The following MYO16 variants were observed in gnomAD, a reference collection of about 807,000 sequenced individuals.
The protein encoded by MYO16 is myosin XVI.
Under a neutral mutation model 205.3 loss-of-function variants are expected in MYO16, and 94 were observed. The observed-to-expected ratio is 0.46, with a 90% CI of 0.39 to 0.54. The LOEUF is 0.54. MYO16 is among the 20% of genes least tolerant of loss of function. The pLI is 0.00. For missense variants in MYO16, 2,315 were observed against 2,387.5 expected (o/e 0.97, Z 0.63); for synonymous variants, 988 against 954.0 (o/e 1.04, Z -0.66).
chr13:109,118,846 A>T (rs1021931982), intron 28 of MYO16, among the ~76,000 whole-genome samples: 4 of 152,224 alleles, frequency 2.6e-5, no homozygotes, highest in African/African-American at 9.6e-5. Flanking sequence ...CAATGAAAAA[A>T]AAAAGTAACA....
intron 17 of MYO16, among the ~76,000 whole-genome samples, chr13:108,960,691 C>T (rs759820522): frequency 2.6e-5 from 4 of 152,238 alleles, no homozygotes; most frequent in Non-Finnish European, 4.4e-5. Flanking sequence ...GGCTATGCCA[C>T]TTGCCCTTCA....
chr13:108,949,243 T>C (rs1187312408), intron 16 of MYO16, among the ~76,000 whole-genome samples: 1 of 152,094 alleles, frequency 6.6e-6, no homozygotes, highest in Non-Finnish European at 1.5e-5. Flanking sequence ...AAACTTAGTC[T>C]AAAGAAGGCA....
intron 1 of MYO16, among the ~76,000 whole-genome samples, chr13:108,612,123 T>G (rs894632555): frequency 6.6e-6 from 1 of 152,114 alleles, no homozygotes; most frequent in Admixed American, 6.5e-5. Context: ...CTTGTTGGCT[T>G]TACTTTATGG....
chr13:108,519,923 A>T, the MYO16 span, among the ~76,000 whole-genome samples: 151,072 of 152,296 alleles, frequency 0.99, 74,947 homozygotes, highest in East Asian at 1. Flanking sequence ...CGTGTTTTAA[A>T]TAAAAAATTG....
intron 27 of MYO16, among the ~76,000 whole-genome samples, chr13:109,087,118 C>T (rs758491387): frequency 1.6e-4 from 24 of 152,182 alleles, no homozygotes; most frequent in Non-Finnish European, 3.1e-4. Context: ...CCACACTTTC[C>T]GAAGGAGGTG....
intron 20 of MYO16, among the ~76,000 whole-genome samples, chr13:108,965,826 G>T: frequency 6.6e-6 from 1 of 152,190 alleles, no homozygotes; most frequent in Admixed American, 6.5e-5. Context: ...GTGACCTTGA[G>T]CAGACAATTG....
At chr13:108,561,232 C>A in the MYO16 span, among the ~76,000 whole-genome samples, 1 of 152,238 alleles carries the variant, frequency 6.6e-6, no homozygotes, top group African/African-American at 2.4e-5. Flanking sequence ...GATGACTAAT[C>A]TCAGGAGACC....
At chr13:109,104,714 G>A (rs1315085713) in intron 28 of MYO16, among the ~76,000 whole-genome samples, 4 of 152,172 alleles carry the variant, frequency 2.6e-5, no homozygotes, top group Non-Finnish European at 5.9e-5. Flanking sequence ...TGTCAAAGGA[G>A]CATCGCTGCA....
chr13:108,931,206 T>G (rs1386603838), intron 16 of MYO16, among the ~76,000 whole-genome samples: 2 of 152,226 alleles, frequency 1.3e-5, no homozygotes, highest in Non-Finnish European at 2.9e-5. Context: ...CTAAAACCAC[T>G]GCTCTCAGGC....
intron 16 of MYO16, among the ~76,000 whole-genome samples, chr13:108,957,154 G>A (rs1294920821): frequency 6.6e-6 from 1 of 152,084 alleles, no homozygotes; most frequent in African/African-American, 2.4e-5. Context: ...GGGAGGCCGA[G>A]GTGGGTGGAT....
chr13:108,907,333 C>T (rs905054872), intron 15 of MYO16, among the ~76,000 whole-genome samples: 1 of 152,104 alleles, frequency 6.6e-6, no homozygotes. Context: ...TATATGGACA[C>T]TTGTAGAGAA....
chr13:108,820,891 TTAA>T (rs1875931956), intron 8 of MYO16, among the ~76,000 whole-genome samples: 1 of 81,908 alleles, frequency 1.2e-5, no homozygotes. Context: ...AAATCTTGAC[TTAA>T]TGTTACTTAT....
At chr13:108,585,156 G>A in the MYO16 span, among the ~76,000 whole-genome samples, 3 of 152,118 alleles carry the variant, frequency 2.0e-5, no homozygotes, top group East Asian at 1.9e-4. Flanking sequence ...AGCCAAATAC[G>A]AGTGACCATG....
intron 4 of MYO16, among the ~76,000 whole-genome samples, chr13:108,734,378 C>T (rs1884623438): frequency 1.3e-5 from 2 of 152,108 alleles, no homozygotes; most frequent in Admixed American, 1.3e-4. Flanking sequence ...GATATCGCTT[C>T]CTCACAATTT....
At chr13:108,622,325 C>T (rs1209519364) in intron 1 of MYO16, among the ~76,000 whole-genome samples, 1 of 152,208 alleles carries the variant, frequency 6.6e-6, no homozygotes, top group East Asian at 1.9e-4. Context: ...GAACCCTGGG[C>T]GCTTGGCATT....
At chr13:109,121,411 C>T (rs1401019407) in intron 29 of MYO16, among the ~76,000 whole-genome samples, 1 of 152,212 alleles carries the variant, frequency 6.6e-6, no homozygotes, top group Admixed American at 6.5e-5. Flanking sequence ...TCTCCTCCAG[C>T]TGGGGCAGAC....
intron 1 of MYO16, among the ~76,000 whole-genome samples, chr13:108,649,502 T>C (rs2139397700): frequency 6.6e-6 from 1 of 152,284 alleles, no homozygotes; most frequent in Non-Finnish European, 1.5e-5. Context: ...TTAATGAAAA[T>C]GGCAGAATCT....
intron 10 of MYO16, among the ~76,000 whole-genome samples, chr13:108,849,669 C>T (rs1228444880): frequency 4.0e-4 from 48 of 119,084 alleles, no homozygotes; most frequent in African/African-American, 1.4e-3. Context: ...GTGTGTGTAA[C>T]TTATCCATAC....
At chr13:109,152,273 C>T (rs995334011) in intron 32 of MYO16, among the ~76,000 whole-genome samples, 3 of 152,174 alleles carry the variant, frequency 2.0e-5, no homozygotes, top group African/African-American at 2.4e-5. Flanking sequence ...AGAGAAGCTA[C>T]GGGACCTTGA....
Sources: allele counts gnomAD v4.1 joint callset (sites outside exome capture counted in the v4.1 genomes callset), GRCh38; gene constraint gnomAD v4.1.1; transcripts MANE v1.5; gene names NCBI Gene and HGNC (gene_info 2026-07-23, HGNC 2026-07-21).